Variants in DOCK2 observed in about 807,000 individuals in gnomAD.
DOCK2 encodes dedicator of cytokinesis 2.
In DOCK2, 87 loss-of-function variants were observed where a neutral mutation model predicts 248.9. The ratio of observed to expected loss-of-function variants is 0.35; its 90% CI spans 0.29 to 0.42. The LOEUF (loss-of-function observed/expected upper bound fraction) is 0.42, where lower values mean the gene tolerates loss of function less well. DOCK2 is among the 10% of genes least tolerant of loss of function. The probability of loss-of-function intolerance (pLI) is 1.00; values close to 1 mark genes in which losing one functional copy is unlikely to be tolerated. For missense variants in DOCK2, 1,747 were observed against 2,300.2 expected (o/e 0.76, Z 4.92); for synonymous variants, 805 against 821.6 (o/e 0.98, Z 0.35).
At chr5:169,849,800 G>A (rs981421625) in intron 27 of DOCK2, among the ~76,000 whole-genome samples, 16 of 152,116 alleles carry the variant, frequency 1.1e-4, no homozygotes, top group African/African-American at 3.9e-4. Context: ...CTCCAGGCAC[G>A]GTTCATCTTG....
intron 10 of DOCK2, 61 bp from the exon 11 acceptor site, chr5:169,698,313 T>G (rs1197403024): frequency 9.0e-6 from 14 of 1,551,214 alleles, no homozygotes; most frequent in Non-Finnish European, 1.2e-5. Flanking sequence ...CTCATCCCAC[T>G]GTCATCCCTT....
chr5:169,658,113 A>T (rs1758224112), intron 2 of DOCK2, among the ~76,000 whole-genome samples: 3 of 152,190 alleles, frequency 2.0e-5, no homozygotes, highest in Non-Finnish European at 4.4e-5. Context: ...GTTTTCAGGA[A>T]ATCTTTTTAG....
Position 169,669,029 on chromosome 5 carries a change from C to T in DOCK2, c.128-259C>T, listed in dbSNP as rs533949855. Among the ~76,000 whole-genome samples the T allele has an allele frequency of 8.5e-5, 13 of 152,168 alleles. 1 individual carries two copies. In the South Asian group the frequency reaches 2.5e-3, roughly 29 times the overall value. Reference sequence around the variant, plus strand: ...CTCCCAGCCAGTTGGGAGCACTGGCCAGCACTACTGGGGCTCCTGATTTTT... The same window carrying T: ...CTCCCAGCCAGTTGGGAGCACTGGCTAGCACTACTGGGGCTCCTGATTTTT... On this transcript the variant is annotated intron_variant, in intron 2 of 51. Transcript: ENST00000520908.
At chr5:169,950,719 A>G (rs1206113388) in intron 27 of DOCK2, among the ~76,000 whole-genome samples, 1 of 152,220 alleles carries the variant, frequency 6.6e-6, no homozygotes, top group Non-Finnish European at 1.5e-5. Context: ...TAACAGCCAC[A>G]TTCTTTCACA....
chr5:169,904,439 A>G (rs1054409424), intron 27 of DOCK2, among the ~76,000 whole-genome samples: 1 of 152,164 alleles, frequency 6.6e-6, no homozygotes, highest in Non-Finnish European at 1.5e-5. Context: ...ACACCTCTCC[A>G]AAGTCTCACT....
At chr5:169,826,814 G>C (rs1031322378) in intron 26 of DOCK2, among the ~76,000 whole-genome samples, 6 of 152,090 alleles carry the variant, frequency 3.9e-5, no homozygotes, top group African/African-American at 9.7e-5. Context: ...CCTCCCTCAG[G>C]ACACCGTCTC....
At position 169,856,875 on chromosome 5, in the gene DOCK2, G is replaced by C. The variant is rs1770926528; in HGVS notation, c.2799+16023G>C. ...GGAAACCAAGATGAAGCACCAAGTAGAGGTCACCATGTTTAACTAATGATT... is the reference window on the plus strand; with the variant it reads ...GGAAACCAAGATGAAGCACCAAGTACAGGTCACCATGTTTAACTAATGATT... On this transcript the variant is annotated intron_variant, in intron 27 of 51. Coordinates refer to ENST00000520908, the MANE Select transcript of DOCK2 (RefSeq NM_004946.3). Among the ~76,000 whole-genome samples, 3 of 152,220 alleles carry C rather than the reference G, an allele frequency of 2.0e-5. No individual in the cohort carries two copies. In the South Asian group the frequency reaches 6.2e-4, roughly 32 times the overall value.
intron 27 of DOCK2, among the ~76,000 whole-genome samples, chr5:169,916,916 CATA>C (rs1371202516): frequency 6.6e-6 from 1 of 152,146 alleles, no homozygotes. Flanking sequence ...CTCTGGAACC[CATA>C]ATTTTAGCCA....
At chr5:169,803,900 T>C (rs750487317) in intron 26 of DOCK2, among the ~76,000 whole-genome samples, 7 of 152,074 alleles carry the variant, frequency 4.6e-5, no homozygotes, top group East Asian at 1.9e-4. Flanking sequence ...TTCTTAAGCA[T>C]TGGAAGATGG....
At chr5:169,701,384 G>GT (rs1481612270) in intron 13 of DOCK2, among the ~76,000 whole-genome samples, 2 of 152,106 alleles carry the variant, frequency 1.3e-5, no homozygotes, top group African/African-American at 2.4e-5. Context: ...CTGACTGGCT[G>GT]TTTCTTTCCA....
At position 169,759,764 on chromosome 5, in the gene DOCK2, G is replaced by A. The variant is rs761164114; in HGVS notation, c.2436G>A (p.Ala812=). The change falls in exon 24 of 52, where the codon GCG becomes GCA. Residue 812 remains alanine (A), a synonymous_variant. Transcript: ENST00000520908. The part of the protein sequence containing the change: ...VLHDVEMVFD[A]KLLSQLLYEF... ...ATGATGTAGAAATGGTCTTTGATGC[G>A]AAGTTACTCAGGTGAGAGCTCATGT... 28 of 1,613,812 alleles carry A rather than the reference G, an allele frequency of 1.7e-5. No homozygotes were observed. The highest frequency in any genetic ancestry group is 4.4e-5 in the South Asian group (4 of 91,088).
chr5:169,806,805 G>C (rs1253011856), intron 26 of DOCK2, among the ~76,000 whole-genome samples: 6 of 152,100 alleles, frequency 3.9e-5, no homozygotes, highest in African/African-American at 1.4e-4. Context: ...GAGGGACGGG[G>C]AGGGGACAAC....
At chr5:169,797,684 T>A (rs949529821) in intron 25 of DOCK2, among the ~76,000 whole-genome samples, 3 of 152,230 alleles carry the variant, frequency 2.0e-5, no homozygotes, top group African/African-American at 7.2e-5. Context: ...CCAGCCTTTG[T>A]CAGACATTGG....
At chr5:169,660,193 A>G (rs1326417992) in intron 2 of DOCK2, among the ~76,000 whole-genome samples, 1 of 152,140 alleles carries the variant, frequency 6.6e-6, no homozygotes, top group Non-Finnish European at 1.5e-5. Flanking sequence ...GAGGAACTGT[A>G]TCATGCCCTC....
At chr5:169,871,092 C>A (rs1771938661) in intron 27 of DOCK2, among the ~76,000 whole-genome samples, 1 of 152,126 alleles carries the variant, frequency 6.6e-6, no homozygotes, top group Non-Finnish European at 1.5e-5. Flanking sequence ...GGCACTAATC[C>A]CATTCACGAG....
chr5:169,668,348 C>T (rs770875331), intron 2 of DOCK2, among the ~76,000 whole-genome samples: 10 of 152,178 alleles, frequency 6.6e-5, no homozygotes, highest in South Asian at 2.1e-4. Context: ...GAAGCTATCA[C>T]GGCCCCCTGT....
intron 1 of DOCK2, among the ~76,000 whole-genome samples, chr5:169,653,223 C>T (rs11953527): frequency 0.057 from 8,605 of 152,124 alleles, 282 homozygotes; most frequent in South Asian, 0.1. Context: ...TTAGGATCCA[C>T]ACTGATAAGC....
At chr5:169,896,024 C>T (rs908113218) in intron 27 of DOCK2, among the ~76,000 whole-genome samples, 2 of 152,220 alleles carry the variant, frequency 1.3e-5, no homozygotes, top group Non-Finnish European at 2.9e-5. Context: ...GGCCACCCTC[C>T]ATGATCCTTT....
chr5:169,875,687 C>G (rs1247523706), intron 27 of DOCK2: 3 of 171,798 alleles, frequency 1.7e-5, no homozygotes, highest in African/African-American at 7.2e-5. Flanking sequence ...TTTAATCAAT[C>G]TCATCATTGT....
Sources: allele counts gnomAD v4.1 joint callset (sites outside exome capture counted in the v4.1 genomes callset), GRCh38; gene constraint gnomAD v4.1.1; transcripts MANE v1.5; gene names NCBI Gene and HGNC (gene_info 2026-07-23, HGNC 2026-07-21).